The following TECTA variants were observed in gnomAD, a reference collection of about 807,000 sequenced individuals.
TECTA encodes the protein alpha-tectorin.
Under a neutral mutation model 216.8 loss-of-function variants are expected in TECTA, and 128 were observed. That is an observed-to-expected ratio of 0.59 (90% CI 0.51 to 0.68). The LOEUF is 0.68. TECTA is among the 30% of genes least tolerant of loss of function. The pLI, the probability that TECTA is intolerant of heterozygous loss-of-function variation, is 0.00. For synonymous variants in TECTA, 1,089 were observed against 1,117.1 expected, an observed-to-expected ratio of 0.97 and a Z score of 0.50; for missense variants, 2,551 against 2,786.2, an observed-to-expected ratio of 0.92 and a Z score of 1.90.
intron 10 of TECTA, among the ~76,000 whole-genome samples, chr11:121,133,330 G>T (rs7121126): frequency 1.1e-3 from 168 of 152,110 alleles, no homozygotes; most frequent in African/African-American, 3.8e-3. Context: ...TAGAGTAGGG[G>T]CATTTATATA....
chr11:121,166,821 G>A lies in TECTA; in HGVS notation c.5586+41G>A, dbSNP rs489985. Reference sequence around the variant, plus strand: ...GGAAAGAGCACCTGGCAGAGGCAGCGACAGCTTCGAGTGTTTGCACATTTA... The same window carrying A: ...GGAAAGAGCACCTGGCAGAGGCAGCAACAGCTTCGAGTGTTTGCACATTTA... On this transcript the variant is annotated intron_variant, in intron 18 of 23. Transcript: ENST00000392793. 0.22 allele frequency: 347,956 copies of A among 1,606,648 alleles called. 44,156 individuals are homozygous for A. The highest frequency in any genetic ancestry group is 0.55 in the African/African-American group (41,542 of 74,892).
rs1946381831 is a variant in TECTA, at chr11:121,105,453, C to T, written c.65-378C>T. On this transcript the variant is annotated intron_variant, in intron 2 of 23. Transcript: ENST00000392793. The surrounding 1 kb of genome is among the most constrained non-coding windows in gnomAD (Gnocchi z 5.3). ...CGATAGTGGAATTCTTGAGCTAGAA[C>T]AGGAGCTTCAAAACTGTGGCCATGC... Among the ~76,000 whole-genome samples the T allele has an allele frequency of 6.6e-6, 1 of 152,192 alleles. No homozygotes were observed. The highest frequency in any genetic ancestry group is 1.5e-5 in the Non-Finnish European group (1 of 68,028).
intron 2 of TECTA, among the ~76,000 whole-genome samples, chr11:121,103,777 G>A (rs915954471): frequency 6.6e-6 from 1 of 152,036 alleles, no homozygotes; most frequent in Non-Finnish European, 1.5e-5. Flanking sequence ...CTACGCCCTT[G>A]TGTTTAGCAC....
At position 121,168,188 on chromosome 11, in the gene TECTA, C is replaced by T. The variant is rs1947074450; in HGVS notation, c.5721C>T (p.Ser1907=). The T allele has an allele frequency of 1.2e-6, 2 of 1,614,112 alleles. No homozygotes were observed. The highest frequency in any genetic ancestry group is 2.2e-5 in the South Asian group (2 of 91,086). The change falls in exon 19 of 24, where the codon TCC becomes TCT. Residue 1907 remains serine (S), a synonymous_variant. Coordinates refer to ENST00000392793, the MANE Select transcript of TECTA (RefSeq NM_005422.4). The part of the protein sequence containing the change: ...SCAYELDIKI[S]LDSVVKPMLS... ...CTTATGAGCTGGATATCAAGATCTC[C>T]TTGGATTCTGTTGTGAAGCCTATGC...
Position 121,152,887 on chromosome 11 carries a change from C to T in TECTA, c.4112C>T (p.Thr1371Ile). ...CTTGTCTCTCTTGTTCCAGCTGTCA[C>T]CTGCCCTCCAAACAGCCATTACGAG... ...GWRNYTSCTV[T>I]CPPNSHYESC... is the part of the protein sequence containing the mutation. The change falls in exon 13 of 24, where the codon ACC becomes ATC. Residue 1371 changes from threonine to isoleucine, a missense_variant. Around this residue, in one of 3 missense-constraint regions of TECTA, gnomAD observed 2,375 missense variants for 2,563.9 expected, o/e 0.93. Coordinates refer to ENST00000392793, the MANE Select transcript of TECTA (RefSeq NM_005422.4). 1 of 1,600,176 alleles carries T rather than the reference C, an allele frequency of 6.2e-7. No individual in the cohort carries two copies. Among genetic ancestry groups the T allele is most frequent in the Non-Finnish European group, 8.6e-7 (1 of 1,168,810 alleles).
At chr11:121,121,754 G>C (rs1222857162) in intron 7 of TECTA, among the ~76,000 whole-genome samples, 2 of 152,124 alleles carry the variant, frequency 1.3e-5, no homozygotes, top group African/African-American at 4.8e-5. Context: ...CTTCTGCTTT[G>C]GGACACAATA....
At chr11:121,118,908 A>G (rs1336534437) in intron 7 of TECTA, among the ~76,000 whole-genome samples, 190 bp downstream of exon 7, 3 of 152,118 alleles carry the variant, frequency 2.0e-5, no homozygotes, top group African/African-American at 7.2e-5. Flanking sequence ...TACAAGAGCT[A>G]TCCTAAGCTC....
chr11:121,138,080 G>A lies in TECTA; in HGVS notation c.3543+58G>A, dbSNP rs935167293. ...ATCGTGGAGACGTCAGGATGGGGTC[G>A]GCAAGCCAGGCTGCAGCTGAATCAG... On this transcript the variant is annotated intron_variant, in intron 11 of 23. Transcript: ENST00000392793. 1.2e-5 allele frequency: 19 copies of A among 1,608,664 alleles called. No individual in the cohort carries two copies. The African/African-American group carries it at 1.7e-4, about 15-fold the overall frequency.
Position 121,168,182 on chromosome 11 carries a change from G to A in TECTA, c.5715G>A (p.Lys1905=). The change falls in exon 19 of 24, where the codon AAG becomes AAA. Residue 1905 remains lysine (K), a synonymous_variant. Transcript: ENST00000392793. ...CATGTGCTTATGAGCTGGATATCAA[G>A]ATCTCCTTGGATTCTGTTGTGAAGC... ...EFSCAYELDI[K]ISLDSVVKPM... The A allele has an allele frequency of 1.2e-6, 2 of 1,614,224 alleles. No homozygotes were observed. The highest frequency in any genetic ancestry group is 1.7e-6 in the Non-Finnish European group (2 of 1,180,030).
intron 21 of TECTA, 138 bp downstream of exon 21, chr11:121,188,132 A>G: frequency 1.2e-6 from 1 of 854,222 alleles, no homozygotes; most frequent in Admixed American, 2.3e-5. Flanking sequence ...CTTTGATGGG[A>G]CAGTGAGAGA....
At chr11:121,171,236 G>C (rs1023846892) in intron 20 of TECTA, among the ~76,000 whole-genome samples, 1 of 152,126 alleles carries the variant, frequency 6.6e-6, no homozygotes, top group Non-Finnish European at 1.5e-5. Context: ...TCAGTTGGCT[G>C]TAAATACATG....
At chr11:121,150,561 T>A (rs1946879792) in intron 12 of TECTA, among the ~76,000 whole-genome samples, 1 of 151,994 alleles carries the variant, frequency 6.6e-6, no homozygotes, top group Non-Finnish European at 1.5e-5. Flanking sequence ...AGTTAAAAAA[T>A]TATTTAAAAA....
intron 20 of TECTA, among the ~76,000 whole-genome samples, chr11:121,185,296 T>C (rs189293726): frequency 2.0e-5 from 3 of 152,132 alleles, no homozygotes; most frequent in African/African-American, 7.2e-5. Flanking sequence ...AATGAATGAG[T>C]AGGGAAAGTA....
rs1591444198 is a variant in TECTA at position 121,127,998 on chromosome 11, A to C, written c.2021A>C (p.Gln674Pro). ...TGGGCCACGGCCAACTGCACTGTGC[A>C]ATGCCTGTGCGAGGAGGGCGGGGAC... ...FFWATANCTVQCLCEEGGDVY... is the reference protein window; with the variant it reads ...FFWATANCTVPCLCEEGGDVY... Residue 674 changes from glutamine (Q) to proline (P), a missense_variant, in exon 9 of 24, where the codon CAA (glutamine) becomes CCA (proline). By Grantham distance (76) the Gln-to-Pro change is moderately conservative. Transcript: ENST00000392793. The surrounding 1 kb of genome is among the most constrained non-coding windows in gnomAD (Gnocchi z 5.0). The C allele has an allele frequency of 1.9e-6, 3 of 1,614,054 alleles. No homozygotes were observed. The East Asian group carries it at 6.7e-5, about 36-fold the overall frequency.
chr11:121,189,006 G>A, intron 21 of TECTA, 74 bp from the exon 22 acceptor site: 2 of 1,497,632 alleles, frequency 1.3e-6, no homozygotes, highest in Non-Finnish European at 1.9e-6. Context: ...GCCTCTTTTA[G>A]AGGTGAAACA....
intron 20 of TECTA, among the ~76,000 whole-genome samples, chr11:121,172,155 CA>C (rs1242908949): frequency 1.3e-5 from 2 of 152,000 alleles, no homozygotes. Context: ...TTCAGATAAT[CA>C]TATGGTTTTT....
rs542800960 is a variant in TECTA, at chr11:121,190,945, C to G, written c.*139C>G. On this transcript the variant is annotated 3_prime_UTR_variant, in exon 24 of 24. Transcript: ENST00000392793. The stretch of plus-strand genomic sequence containing the variant: ...ATGATGCCACCTGCCTCCAATGGTC[C>G]AAGGTCCAGAAACCAGCGACCATCC... The G allele has an allele frequency of 2.9e-6, 2 of 692,746 alleles. No individual in the cohort carries two copies. The highest frequency in any genetic ancestry group is 3.1e-5 in the South Asian group (2 of 64,472). The allele number at this position is 692,746 out of a possible 1,614,324, so 42.9% of individuals were successfully genotyped here.
intron 23 of TECTA, 108 bp downstream of exon 23, chr11:121,189,988 C>A (rs948373435): frequency 4.6e-6 from 4 of 862,986 alleles, no homozygotes; most frequent in Non-Finnish European, 7.7e-6. Context: ...AACTCTCCCT[C>A]GAAAACTCCA....
In TECTA at chr11:121,178,024, C is replaced by T. The variant is rs187994581; in HGVS notation, c.5999+9099C>T. On this transcript the variant is annotated intron_variant, in intron 20 of 23. Coordinates refer to ENST00000392793, the MANE Select transcript of TECTA (RefSeq NM_005422.4). ...CTCCTGATGCGCTGTTTTTTAAGCC[C>T]GTCGGAAAAGCGCAGTATTGGGGTG... Among the ~76,000 whole-genome samples the T allele has an allele frequency of 3.1e-3, 470 of 152,340 alleles. 3 individuals carry two copies. Among genetic ancestry groups the T allele is most frequent in the Middle Eastern group, 0.017 (5 of 294 alleles).
Sources: gnomAD v4.1 joint callset for allele counts (sites outside exome capture counted in the v4.1 genomes callset) on GRCh38, gnomAD v4.1.1 for gene constraint, gnomAD v4.1.1 regional missense constraint, Gnocchi (gnomAD v3.1) non-coding constraint, MANE v1.5 for transcripts, NCBI Gene and HGNC (gene_info 2026-07-23, HGNC 2026-07-21) for gene names.